The following BICC1 variants were observed in gnomAD, a reference collection of about 807,000 sequenced individuals.
BICC1 encodes protein bicaudal C homolog 1.
BICC1 carries 43 observed loss-of-function variants against 111.0 expected under a neutral mutation model. That is an observed-to-expected ratio of 0.39 (90% CI 0.30 to 0.50). The LOEUF is 0.50. Ranked by LOEUF, BICC1 falls within the 20% of genes least tolerant of loss-of-function variation. The pLI is 0.88. For synonymous variants in BICC1, 467 were observed against 434.4 expected, an observed-to-expected ratio of 1.07 and a Z score of -0.93; for missense variants, 1,091 against 1,203.2, an observed-to-expected ratio of 0.91 and a Z score of 1.38.
chr10:58,607,585 A>G (rs1488273055), intron 1 of BICC1, among the ~76,000 whole-genome samples: 1 of 135,610 alleles, frequency 7.4e-6, no homozygotes, highest in Admixed American at 7.4e-5. Context: ...TCTCTTTCCC[A>G]CTCCTCCCTC....
chr10:58,602,842 T>A (rs1845084846), intron 1 of BICC1, among the ~76,000 whole-genome samples: 1 of 152,190 alleles, frequency 6.6e-6, no homozygotes, highest in Admixed American at 6.5e-5. Flanking sequence ...ATAGACCAGA[T>A]CCCTTCTGAA....
At chr10:58,555,924 C>A (rs1031857007) in intron 1 of BICC1, among the ~76,000 whole-genome samples, 1 of 152,020 alleles carries the variant, frequency 6.6e-6, no homozygotes, top group African/African-American at 2.4e-5. Context: ...ACTGTCATTC[C>A]CAGTTAGATA....
chr10:58,738,594 C>G (rs1171641708), intron 3 of BICC1, among the ~76,000 whole-genome samples: 1 of 149,226 alleles, frequency 6.7e-6, no homozygotes, highest in Non-Finnish European at 1.5e-5. Context: ...TCCATATGAA[C>G]TTTAAAGTAG....
chr10:58,553,753 AATGAAC>A (rs1372834023), intron 1 of BICC1, among the ~76,000 whole-genome samples: 1 of 151,758 alleles, frequency 6.6e-6, no homozygotes, highest in Non-Finnish European at 1.5e-5. Context: ...CTTTTTCTTT[AATGAAC>A]ATCAAGCAGA....
intron 2 of BICC1, among the ~76,000 whole-genome samples, chr10:58,680,690 G>A (rs1399708451): frequency 1.3e-5 from 2 of 152,038 alleles, no homozygotes; most frequent in African/African-American, 4.8e-5. Flanking sequence ...ATTTCATGTG[G>A]AACCAAAAAG....
chr10:58,563,515 C>T (rs1225772708), intron 1 of BICC1, among the ~76,000 whole-genome samples: 1 of 152,178 alleles, frequency 6.6e-6, no homozygotes, highest in African/African-American at 2.4e-5. Flanking sequence ...CTCTGTGATA[C>T]TATCCTGAGT....
intron 1 of BICC1, among the ~76,000 whole-genome samples, chr10:58,583,634 A>G (rs1844349052): frequency 6.6e-6 from 1 of 151,608 alleles, no homozygotes; most frequent in Non-Finnish European, 1.5e-5. Context: ...GTGTACATAC[A>G]CACACATACC....
chr10:58,559,951 G>A (rs1262771547), intron 1 of BICC1, among the ~76,000 whole-genome samples: 1 of 150,920 alleles, frequency 6.6e-6, no homozygotes, highest in Non-Finnish European at 1.5e-5. Context: ...ATGTGTTGTT[G>A]GATTTGGTTT....
chr10:58,769,053 T>C (rs538104379), intron 3 of BICC1, among the ~76,000 whole-genome samples: 7 of 152,096 alleles, frequency 4.6e-5, no homozygotes, highest in African/African-American at 1.4e-4. Context: ...AGACAAATAC[T>C]GCATAATATA....
At chr10:58,697,423 G>A (rs2132433437) in intron 2 of BICC1, among the ~76,000 whole-genome samples, 1 of 152,090 alleles carries the variant, frequency 6.6e-6, no homozygotes, top group South Asian at 2.1e-4. Context: ...TTCAGTTTTG[G>A]TTTTGTGAAG....
intron 3 of BICC1, among the ~76,000 whole-genome samples, chr10:58,736,248 T>C (rs1841463376): frequency 6.6e-6 from 1 of 152,150 alleles, no homozygotes; most frequent in South Asian, 2.1e-4. Flanking sequence ...TACAATACAC[T>C]AGCCACTGGA....
intron 1 of BICC1, among the ~76,000 whole-genome samples, chr10:58,595,303 C>T (rs1051938850): frequency 3.9e-5 from 6 of 152,122 alleles, no homozygotes; most frequent in South Asian, 2.1e-4. Context: ...TTAGACAGAT[C>T]AACGAGACAG....
chr10:58,570,227 C>T (rs191948058), intron 1 of BICC1, among the ~76,000 whole-genome samples: 3 of 152,112 alleles, frequency 2.0e-5, no homozygotes, highest in Admixed American at 6.6e-5. Context: ...GAAGAGCCTT[C>T]GTTGGGAAAT....
intron 1 of BICC1, among the ~76,000 whole-genome samples, chr10:58,594,350 C>T (rs1403574156): frequency 1.3e-5 from 2 of 152,080 alleles, no homozygotes; most frequent in African/African-American, 4.8e-5. Flanking sequence ...GACAGGTCGA[C>T]ATTCAAATTC....
At chr10:58,807,185 C>T in intron 17 of BICC1, 27 bp downstream of exon 17, 1 of 1,591,382 alleles carries the variant, frequency 6.3e-7, no homozygotes, top group Admixed American at 1.7e-5. Flanking sequence ...CCTACTCATT[C>T]TTCCTGTCTG....
intron 3 of BICC1, among the ~76,000 whole-genome samples, chr10:58,749,566 T>C (rs189114106): frequency 6.6e-5 from 10 of 152,290 alleles, no homozygotes; most frequent in Admixed American, 3.3e-4. Flanking sequence ...TCAGATGTTT[T>C]TGTTCAAATG....
intron 2 of BICC1, among the ~76,000 whole-genome samples, chr10:58,661,161 T>G (rs562555284): frequency 6.6e-6 from 1 of 152,142 alleles, no homozygotes; most frequent in South Asian, 2.1e-4. Context: ...GGGGGAAGAT[T>G]CTTATTTTCA....
chr10:58,623,221 C>T (rs945905541), intron 2 of BICC1, among the ~76,000 whole-genome samples: 43 of 151,960 alleles, frequency 2.8e-4, no homozygotes, highest in African/African-American at 7.5e-4. Flanking sequence ...TTAAAGTTTT[C>T]GAATTAGAAA....
chr10:58,597,718 T>C (rs546082494), intron 1 of BICC1, among the ~76,000 whole-genome samples: 1 of 152,156 alleles, frequency 6.6e-6, no homozygotes, highest in East Asian at 1.9e-4. Flanking sequence ...TCCCAGGGTA[T>C]TAATATTAAT....
Sources: allele counts gnomAD v4.1 joint callset (sites outside exome capture counted in the v4.1 genomes callset), GRCh38; gene constraint gnomAD v4.1.1; transcripts MANE v1.5; gene names NCBI Gene and HGNC (gene_info 2026-07-23, HGNC 2026-07-21).